Variants in RIPOR2 observed in about 807,000 individuals in gnomAD.
RIPOR2 encodes the protein rho family-interacting cell polarization regulator 2.
RIPOR2 carries 39 observed loss-of-function variants against 114.5 expected under a neutral mutation model. The ratio of observed to expected loss-of-function variants is 0.34; its 90% CI spans 0.26 to 0.44. The LOEUF is 0.44. Ranked by LOEUF, RIPOR2 falls within the 20% of genes least tolerant of loss-of-function variation. The probability of loss-of-function intolerance (pLI) is 1.00; values close to 1 mark genes in which losing one functional copy is unlikely to be tolerated. For synonymous variants in RIPOR2, 445 were observed against 484.4 expected, an observed-to-expected ratio of 0.92 and a Z score of 1.07; for missense variants, 1,007 against 1,255.1, an observed-to-expected ratio of 0.80 and a Z score of 2.99.
intron 5 of RIPOR2, among the ~76,000 whole-genome samples, chr6:24,869,843 G>T (rs115515486): frequency 6.6e-6 from 1 of 151,946 alleles, no homozygotes; most frequent in African/African-American, 2.4e-5. Flanking sequence ...CTTTGAAATT[G>T]GGGTGCATTT....
At chr6:24,843,820 C>A (rs544128916) in intron 12 of RIPOR2, among the ~76,000 whole-genome samples, 10 of 150,680 alleles carry the variant, frequency 6.6e-5, no homozygotes, top group African/African-American at 2.4e-4. Flanking sequence ...GCAATAGTTT[C>A]AAGGTTTGAC....
intron 1 of RIPOR2, among the ~76,000 whole-genome samples, chr6:24,942,875 C>A (rs568457034): frequency 1.3e-5 from 2 of 152,162 alleles, no homozygotes; most frequent in Admixed American, 6.5e-5. Context: ...CCTGTTCACT[C>A]TGATGGTAGT....
At chr6:24,838,639 C>T (rs2113708447) in intron 14 of RIPOR2, among the ~76,000 whole-genome samples, 1 of 152,072 alleles carries the variant, frequency 6.6e-6, no homozygotes, top group South Asian at 2.1e-4. Context: ...TAAAAAAATA[C>T]AAAAATTAGC....
intron 8 of RIPOR2, among the ~76,000 whole-genome samples, chr6:24,855,763 G>A (rs1346550248): frequency 6.6e-6 from 1 of 152,222 alleles, no homozygotes; most frequent in Non-Finnish European, 1.5e-5. Context: ...GGCCAGGCAT[G>A]GTGGCTCACA....
chr6:24,839,008 C>T, intron 14 of RIPOR2, 83 bp downstream of exon 14: 2 of 1,154,092 alleles, frequency 1.7e-6, no homozygotes, highest in Non-Finnish European at 2.4e-6. Flanking sequence ...GAAATGTGTA[C>T]CAGGTCCCCT....
At chr6:24,923,598 A>T (rs1375248295) in intron 1 of RIPOR2, among the ~76,000 whole-genome samples, 1 of 152,102 alleles carries the variant, frequency 6.6e-6, no homozygotes, top group Non-Finnish European at 1.5e-5. Context: ...TAATTCCAGC[A>T]TTTTGGGAGG....
At chr6:24,972,823 G>C (rs1773845734) in intron 1 of RIPOR2, among the ~76,000 whole-genome samples, 1 of 152,178 alleles carries the variant, frequency 6.6e-6, no homozygotes, top group South Asian at 2.1e-4. Flanking sequence ...AATTTTAGAA[G>C]CTTTTTCACC....
chr6:24,894,701 C>T (rs946306594), intron 1 of RIPOR2, among the ~76,000 whole-genome samples: 2 of 152,196 alleles, frequency 1.3e-5, no homozygotes, highest in African/African-American at 4.8e-5. Flanking sequence ...ATCCCATAAC[C>T]ATTCCCAACC....
chr6:24,904,003 G>A (rs1240516728), intron 1 of RIPOR2, among the ~76,000 whole-genome samples: 1 of 152,220 alleles, frequency 6.6e-6, no homozygotes, highest in African/African-American at 2.4e-5. Context: ...CTGGAGCTGG[G>A]AAGCTGAAAA....
chr6:24,957,219 TA>T (rs56130048), intron 1 of RIPOR2, among the ~76,000 whole-genome samples: 120,841 of 152,208 alleles, frequency 0.79, 51,581 homozygotes, highest in East Asian at 0.96. Context: ...TAAAGACGTG[TA>T]ACGACTCTTT....
chr6:24,980,638 G>C (rs1250130119), intron 1 of RIPOR2, among the ~76,000 whole-genome samples: 1 of 152,198 alleles, frequency 6.6e-6, no homozygotes, highest in Non-Finnish European at 1.5e-5. Flanking sequence ...TGTACACAGA[G>C]CTCTGTAACT....
At chr6:25,035,324 C>T (rs1353024403) in intron 1 of RIPOR2, among the ~76,000 whole-genome samples, 7 of 152,150 alleles carry the variant, frequency 4.6e-5, no homozygotes, top group Non-Finnish European at 8.8e-5. Context: ...CCTCACTGAC[C>T]TCCTCTCAAA....
At chr6:24,861,670 T>A (rs529815581) in intron 7 of RIPOR2, among the ~76,000 whole-genome samples, 2 of 152,350 alleles carry the variant, frequency 1.3e-5, no homozygotes, top group East Asian at 1.9e-4. Flanking sequence ...TTGTATACCA[T>A]AAATATGTAG....
At chr6:24,872,215 T>C (rs10946732) in intron 4 of RIPOR2, among the ~76,000 whole-genome samples, 13,638 of 152,210 alleles carry the variant, frequency 0.09, 730 homozygotes, top group African/African-American at 0.16. Context: ...TTCATGAGAA[T>C]AGAAGAAATT....
chr6:25,029,423 A>AAG (rs1776800034), intron 1 of RIPOR2, among the ~76,000 whole-genome samples: 1 of 151,196 alleles, frequency 6.6e-6, no homozygotes, highest in Non-Finnish European at 1.5e-5. Context: ...AAAAAAAAAA[A>AAG]AAAAAAAAAA....
intron 20 of RIPOR2, among the ~76,000 whole-genome samples, chr6:24,811,273 G>A (rs60395865): frequency 0.028 from 3,283 of 116,152 alleles, 144 homozygotes; most frequent in African/African-American, 0.1. Context: ...AGTCTCTGTC[G>A]CCCAGGTTGG....
intron 1 of RIPOR2, among the ~76,000 whole-genome samples, chr6:25,004,758 T>C (rs1415168639): frequency 6.6e-6 from 1 of 152,196 alleles, no homozygotes; most frequent in Non-Finnish European, 1.5e-5. Context: ...TTTTGTTTTG[T>C]TTTACTGGCA....
chr6:24,998,200 A>G (rs1775133140), intron 1 of RIPOR2, among the ~76,000 whole-genome samples: 1 of 152,134 alleles, frequency 6.6e-6, no homozygotes, highest in Non-Finnish European at 1.5e-5. Context: ...TTTTGGATAG[A>G]AAACGGTCTC....
intron 1 of RIPOR2, among the ~76,000 whole-genome samples, chr6:24,916,522 C>T (rs919890062): frequency 2.6e-5 from 4 of 152,190 alleles, no homozygotes; most frequent in Non-Finnish European, 5.9e-5. Flanking sequence ...AGAGCATACA[C>T]TATCCCTGCT....
Sources: allele counts gnomAD v4.1 joint callset (sites outside exome capture counted in the v4.1 genomes callset), GRCh38; gene constraint gnomAD v4.1.1; transcripts MANE v1.5; gene names NCBI Gene and HGNC (gene_info 2026-07-23, HGNC 2026-07-21).